The following TCF4 variants were observed in gnomAD, a reference collection of about 807,000 sequenced individuals.
TCF4 encodes transcription factor 4.
Under a neutral mutation model 82.1 loss-of-function variants are expected in TCF4, and 3 were observed. The observed-to-expected ratio is 0.04, with a 90% CI of 0.02 to 0.09. TCF4 has a LOEUF of 0.09. TCF4 is among the 10% of genes least tolerant of loss of function. TCF4 has a pLI of 1.00. For missense variants in TCF4, 518 were observed against 852.7 expected, an observed-to-expected ratio of 0.61 and a Z score of 4.89; for synonymous variants, 276 against 309.6, an observed-to-expected ratio of 0.89 and a Z score of 1.14.
At chr18:55,634,733 G>A (rs918138284) in intron 1 of TCF4, among the ~76,000 whole-genome samples, 5 of 152,086 alleles carry the variant, frequency 3.3e-5, no homozygotes, top group Non-Finnish European at 7.4e-5. Context: ...ACAAAGTGAG[G>A]GATATTGAGC....
At chr18:55,555,577 C>G (rs1250058905) in intron 3 of TCF4, among the ~76,000 whole-genome samples, 1 of 152,146 alleles carries the variant, frequency 6.6e-6, no homozygotes, top group African/African-American at 2.4e-5. Context: ...GTACATAATG[C>G]ATTCCCTCAA....
chr18:55,346,860 A>T (rs898190609), intron 8 of TCF4, among the ~76,000 whole-genome samples: 2 of 152,118 alleles, frequency 1.3e-5, no homozygotes, highest in African/African-American at 4.8e-5. Flanking sequence ...CACAATATAA[A>T]ATTTTTTGCT....
In TCF4 at chr18:55,453,529, T is replaced by C. The variant is rs116016551; in HGVS notation, c.304+7490A>G. 1.1e-3 allele frequency among the ~76,000 whole-genome samples: 160 copies of C among 152,326 alleles called. 1 individual carries two copies. The highest frequency in any genetic ancestry group is 3.7e-3 in the African/African-American group (153 of 41,562). ...CTTCCCCTGGTATTTAGAAGGTCTATACATCTCTGTTGGCCATAGTTTTCA... is the reference window on the plus strand; with the variant it reads ...CTTCCCCTGGTATTTAGAAGGTCTACACATCTCTGTTGGCCATAGTTTTCA... On this transcript the variant is annotated intron_variant, in intron 5 of 19. Coordinates refer to ENST00000354452, the MANE Select transcript of TCF4 (RefSeq NM_001083962.2).
intron 17 of TCF4, chr18:55,230,614 G>A (rs1412707446): frequency 6.6e-6 from 1 of 152,132 alleles, no homozygotes; most frequent in African/African-American, 2.4e-5. Flanking sequence ...AACCTAAAGG[G>A]TAATTTCACA....
intron 8 of TCF4, among the ~76,000 whole-genome samples, chr18:55,339,897 T>C (rs1043509516): frequency 3.3e-5 from 5 of 152,232 alleles, no homozygotes; most frequent in African/African-American, 1.2e-4. Context: ...TTAAAACATC[T>C]GTACAAATAT....
At chr18:55,317,428 A>G (rs1180313101) in intron 8 of TCF4, among the ~76,000 whole-genome samples, 1 of 152,066 alleles carries the variant, frequency 6.6e-6, no homozygotes, top group Non-Finnish European at 1.5e-5. Flanking sequence ...ATATATTTTT[A>G]AAATGCCAAA....
chr18:55,339,468 C>T (rs1489946647), intron 8 of TCF4, among the ~76,000 whole-genome samples: 2 of 151,630 alleles, frequency 1.3e-5, no homozygotes, highest in South Asian at 2.1e-4. Context: ...GTGGCTAAAT[C>T]GGATCTATCG....
At chr18:55,539,971 G>A (rs1022115490) in intron 3 of TCF4, among the ~76,000 whole-genome samples, 1 of 151,878 alleles carries the variant, frequency 6.6e-6, no homozygotes, top group African/African-American at 2.4e-5. Flanking sequence ...TCTTTCAAAT[G>A]CTCAATATAC....
intron 5 of TCF4, among the ~76,000 whole-genome samples, chr18:55,448,453 T>G (rs2095563699): frequency 6.6e-6 from 1 of 152,248 alleles, no homozygotes; most frequent in South Asian, 2.1e-4. Flanking sequence ...GTACGTTGCC[T>G]GACTAACGGA....
At chr18:55,319,679 C>CAA (rs556811648) in intron 8 of TCF4, among the ~76,000 whole-genome samples, 1 of 134,538 alleles carries the variant, frequency 7.4e-6, no homozygotes. Context: ...ACCATCCTCT[C>CAA]AAAAAAAAAA....
At chr18:55,412,703 G>C (rs1437894296) in intron 5 of TCF4, among the ~76,000 whole-genome samples, 1 of 152,178 alleles carries the variant, frequency 6.6e-6, no homozygotes, top group Non-Finnish European at 1.5e-5. Flanking sequence ...GAATGTAATA[G>C]AGACAACATC....
chr18:55,627,026 G>C (rs537858589), intron 2 of TCF4, among the ~76,000 whole-genome samples: 1 of 152,244 alleles, frequency 6.6e-6, no homozygotes, highest in African/African-American at 2.4e-5. Context: ...TCAGCTAATC[G>C]ATGTGATTAC....
chr18:55,245,151 C>T (rs557688957), intron 15 of TCF4, among the ~76,000 whole-genome samples: 30 of 152,210 alleles, frequency 2.0e-4, no homozygotes, highest in Non-Finnish European at 3.5e-4. Flanking sequence ...AGCTTTTTTT[C>T]AGTTCTCACT....
chr18:55,580,775 T>C (rs896879465), intron 3 of TCF4, among the ~76,000 whole-genome samples: 2 of 150,896 alleles, frequency 1.3e-5, no homozygotes, highest in African/African-American at 2.4e-5. Flanking sequence ...TGTGTGTGTG[T>C]GTGTATAGAA....
chr18:55,398,132 A>G (rs2093606773), intron 6 of TCF4, among the ~76,000 whole-genome samples: 1 of 152,198 alleles, frequency 6.6e-6, no homozygotes, highest in African/African-American at 2.4e-5. Flanking sequence ...TACAGGGTCA[A>G]TAAGTATTTC....
At chr18:55,274,693 T>C (rs2061113519) in intron 10 of TCF4, among the ~76,000 whole-genome samples, 1 of 152,210 alleles carries the variant, frequency 6.6e-6, no homozygotes, top group Non-Finnish European at 1.5e-5. Context: ...ATTTCCCATA[T>C]GCTTTCGCAT....
chr18:55,266,247 T>C (rs974210771), intron 11 of TCF4: 3 of 152,224 alleles, frequency 2.0e-5, no homozygotes, highest in African/African-American at 7.2e-5. Context: ...CAGACATTCC[T>C]ATTCTCTATA....
upstream of TCF4, chr18:55,589,668 G>C (rs566232922): frequency 2.5e-5 from 26 of 1,038,450 alleles, no homozygotes; most frequent in Middle Eastern, 1.8e-3. Context: ...CTTGTTCCAA[G>C]TTTAGAGGTG....
At chr18:55,522,931 A>G (rs747352392) in intron 3 of TCF4, among the ~76,000 whole-genome samples, 3 of 152,118 alleles carry the variant, frequency 2.0e-5, no homozygotes, top group Non-Finnish European at 4.4e-5. Context: ...CATCTGAAAT[A>G]CTGAGAAATT....
Sources: allele counts gnomAD v4.1 joint callset (sites outside exome capture counted in the v4.1 genomes callset), GRCh38; gene constraint gnomAD v4.1.1; transcripts MANE v1.5; gene names NCBI Gene and HGNC (gene_info 2026-07-23, HGNC 2026-07-21).